NR6A1: variants seen among roughly 807,000 people sequenced by gnomAD.
NR6A1 encodes the protein retinoic acid receptor-related testis-associated receptor.
Under a neutral mutation model 59.1 loss-of-function variants are expected in NR6A1, and 7 were observed. The ratio of observed to expected loss-of-function variants is 0.12; its 90% CI spans 0.07 to 0.22. The LOEUF is 0.22. Ranked by LOEUF, NR6A1 falls within the 10% of genes least tolerant of loss-of-function variation. The pLI is 1.00. For synonymous variants in NR6A1, 243 were observed against 236.1 expected (o/e 1.03, Z -0.27); for missense variants, 468 against 611.6 (o/e 0.77, Z 2.48).
At position 124,706,746 on chromosome 9, in the gene NR6A1, G is replaced by A. The variant is rs565438940; in HGVS notation, c.142+26562C>T. 1.6e-4 allele frequency among the ~76,000 whole-genome samples: 24 copies of A among 151,960 alleles called. No individual in the cohort carries two copies. In the East Asian group the frequency reaches 2.7e-3, roughly 17 times the overall value. ...TTGTCCAGGATGGTCTCAATCTCCC[G>A]ACCTCGTGATCCACCCACCTCAGCC... On this transcript the variant is annotated intron_variant, in intron 2 of 9. Transcript: ENST00000487099.
intron 2 of NR6A1, among the ~76,000 whole-genome samples, chr9:124,574,403 G>A (rs1018261547): frequency 6.6e-6 from 1 of 152,168 alleles, no homozygotes; most frequent in Non-Finnish European, 1.5e-5. Context: ...TACTGAAGGA[G>A]CCTTAGCAGA....
In NR6A1 at chr9:124,554,562, A is replaced by C. The variant is rs765556007; in HGVS notation, c.151T>G (p.Ser51Ala). The C allele has an allele frequency of 4.3e-6, 7 of 1,614,218 alleles. No homozygotes were observed. The highest frequency in any genetic ancestry group is 5.9e-6 in the Non-Finnish European group (7 of 1,180,030). Reference sequence around the variant, plus strand: ...GTTCGTTGTTCAGCCCGATCATCTGAAACAGAAACTGATCATGTTCAAGTT... The same window carrying C: ...GTTCGTTGTTCAGCCCGATCATCTGCAACAGAAACTGATCATGTTCAAGTT... ...AELDPGTISV[S>A]DDRAEQRTCL... Residue 51 changes from serine to alanine, a missense_variant, in exon 3 of 10, where the codon TCA becomes GCA. Transcript: ENST00000487099.
chr9:124,721,718 CACTTCAAAAA>C, intron 2 of NR6A1, among the ~76,000 whole-genome samples: 1 of 152,284 alleles, frequency 6.6e-6, no homozygotes, highest in East Asian at 1.9e-4. Flanking sequence ...GCCCAGATGA[CACTTCAAAAA>C]TAGTCTTCAT....
chr9:124,581,361 G>A (rs1448798121), intron 2 of NR6A1, among the ~76,000 whole-genome samples: 3 of 152,108 alleles, frequency 2.0e-5, no homozygotes, highest in East Asian at 1.9e-4. Flanking sequence ...TTGGTAGGCC[G>A]AGGCAGGCGG....
chr9:124,679,346 T>C (rs548259192), intron 2 of NR6A1, among the ~76,000 whole-genome samples: 10 of 152,200 alleles, frequency 6.6e-5, no homozygotes, highest in Non-Finnish European at 1.5e-4. Flanking sequence ...TGTTAAGCTG[T>C]AAACTGACTA....
chr9:124,690,937 G>GT (rs1243533671), intron 2 of NR6A1, among the ~76,000 whole-genome samples: 1 of 152,160 alleles, frequency 6.6e-6, no homozygotes, highest in East Asian at 1.9e-4. Flanking sequence ...CCTTTCTGTA[G>GT]TTTTTCAAGT....
At chr9:124,620,995 A>T (rs930763447) in intron 2 of NR6A1, among the ~76,000 whole-genome samples, 4 of 152,168 alleles carry the variant, frequency 2.6e-5, no homozygotes, top group African/African-American at 9.7e-5. Context: ...TGATGTTCAG[A>T]TTAGGCCACA....
At chr9:124,632,054 T>C (rs1373274802) in intron 2 of NR6A1, among the ~76,000 whole-genome samples, 2 of 152,266 alleles carry the variant, frequency 1.3e-5, no homozygotes, top group African/African-American at 4.8e-5. Context: ...ACATTTTCTT[T>C]ACCTAGCCTA....
At chr9:124,639,663 A>G (rs1291546436) in intron 2 of NR6A1, among the ~76,000 whole-genome samples, 1 of 152,190 alleles carries the variant, frequency 6.6e-6, no homozygotes. Flanking sequence ...ACCAACAGAG[A>G]GCAACATTCT....
intron 2 of NR6A1, among the ~76,000 whole-genome samples, chr9:124,709,551 C>T (rs189183473): frequency 6.6e-6 from 1 of 152,228 alleles, no homozygotes; most frequent in African/African-American, 2.4e-5. Flanking sequence ...TGAGACTCCA[C>T]ATAGCCACAG....
At chr9:124,738,022 G>A (rs1260087848) in intron 1 of NR6A1, among the ~76,000 whole-genome samples, 2 of 152,152 alleles carry the variant, frequency 1.3e-5, no homozygotes, top group Non-Finnish European at 2.9e-5. Flanking sequence ...TTGGGAGACT[G>A]AGGTGGGCAG....
chr9:124,546,387 CTAGTGGAGAAACATAAGATACT>C (rs1833602051), intron 3 of NR6A1, among the ~76,000 whole-genome samples: 2 of 152,292 alleles, frequency 1.3e-5, no homozygotes, highest in Non-Finnish European at 1.5e-5. Context: ...TGTATGCATC[CTAGTGGAGAAACATAAGATACT>C]TTTAGGTGGT....
intron 2 of NR6A1, among the ~76,000 whole-genome samples, chr9:124,573,727 G>T (rs1834513446): frequency 6.6e-6 from 1 of 152,128 alleles, no homozygotes; most frequent in Admixed American, 6.5e-5. Context: ...AGAGGAGAAT[G>T]ATTAAGTAAA....
chr9:124,589,619 C>T (rs1048550057), intron 2 of NR6A1, among the ~76,000 whole-genome samples: 5 of 152,206 alleles, frequency 3.3e-5, no homozygotes, highest in African/African-American at 1.2e-4. Context: ...GACTTGTGCA[C>T]ATTTTGAGAT....
At chr9:124,730,192 A>C (rs1182625807) in intron 2 of NR6A1, among the ~76,000 whole-genome samples, 1 of 152,142 alleles carries the variant, frequency 6.6e-6, no homozygotes, top group Non-Finnish European at 1.5e-5. Flanking sequence ...CCCAATATAG[A>C]AATTACTGAG....
chr9:124,538,231 G>C lies in NR6A1; in HGVS notation c.685C>G (p.Leu229Val). 1 of 1,614,154 alleles carries C rather than the reference G, an allele frequency of 6.2e-7. No individual in the cohort carries two copies. The highest frequency in any genetic ancestry group is 8.5e-7 in the Non-Finnish European group (1 of 1,180,018). The change falls in exon 6 of 10, where the codon CTT (leucine) becomes GTT (valine). Residue 229 changes from leucine (L) to valine (V), a missense_variant. Physicochemically the swap from Leu to Val is conservative, Grantham distance 32 (BLOSUM62 1). Around this residue, in one of 4 missense-constraint regions of NR6A1, gnomAD observed 151 missense variants for 142.8 expected, o/e 1.06. Coordinates refer to ENST00000487099, the MANE Select transcript of NR6A1 (RefSeq NM_033334.4). ...VPPHYQYIPH[L>V]FSYSGHSPLL... ...GGTGAGTGGCCAGAATAGCTAAAAA[G>C]GTGCGGTATATATTGGTAATGTGGA...
chr9:124,560,445 C>A (rs1834052628), intron 2 of NR6A1, among the ~76,000 whole-genome samples: 1 of 152,174 alleles, frequency 6.6e-6, no homozygotes. Context: ...ACATTATTTT[C>A]ATTTCTATCC....
chr9:124,607,154 A>T (rs1363584798), intron 2 of NR6A1: 2 of 152,252 alleles, frequency 1.3e-5, no homozygotes, highest in East Asian at 3.8e-4. Context: ...AGAAAGATAG[A>T]ATAAGCTGGG....
At chr9:124,747,478 A>G (rs1440230657) in intron 1 of NR6A1, among the ~76,000 whole-genome samples, 1 of 151,684 alleles carries the variant, frequency 6.6e-6, no homozygotes, top group Non-Finnish European at 1.5e-5. Context: ...ACACTTCCCA[A>G]CTGATGATTC....
Sources: allele counts gnomAD v4.1 joint callset (sites outside exome capture counted in the v4.1 genomes callset), GRCh38; gene constraint gnomAD v4.1.1; regional missense constraint gnomAD v4.1.1; transcripts MANE v1.5; gene names NCBI Gene and HGNC (gene_info 2026-07-23, HGNC 2026-07-21).